Variants in CBY1 observed in about 807,000 individuals in gnomAD.
The protein encoded by CBY1 is protein chibby homolog 1.
Under a neutral mutation model 15.6 loss-of-function variants are expected in CBY1, and 10 were observed. The observed-to-expected ratio is 0.64, with a 90% confidence interval of 0.40 to 1.09. The LOEUF is 1.09. Among genes scored for constraint, CBY1 ranks in the 50% least tolerant of loss-of-function variants. The probability of loss-of-function intolerance (pLI) is 0.01; values close to 1 mark genes in which losing one functional copy is unlikely to be tolerated. For missense variants in CBY1, 150 were observed against 160.5 expected (o/e 0.93, Z 0.35); for synonymous variants, 61 against 63.5 (o/e 0.96, Z 0.19).
At chr22:38,657,042 C>A in intron 1 of CBY1, 1 of 631,700 alleles carries the variant, frequency 1.6e-6, no homozygotes, top group Non-Finnish European at 2.0e-6. Context: ...GGGGGCCGTG[C>A]ATCTGCGTAA....
chr22:38,665,837 C>T (rs1462937957), intron 1 of CBY1, among the ~76,000 whole-genome samples: 3 of 151,918 alleles, frequency 2.0e-5, no homozygotes, highest in African/African-American at 7.3e-5. Flanking sequence ...GAGTTCGAGA[C>T]CAGCCTGGCC....
At chr22:38,671,519 A>G (rs3747172) in intron 4 of CBY1, 93,140 of 324,252 alleles carry the variant, frequency 0.29, 13,843 homozygotes, top group East Asian at 0.36. Context: ...TGGCAGGAAT[A>G]GAGGTTAGAT....
At chr22:38,662,083 C>CTTGA (rs1322448663) in intron 1 of CBY1, among the ~76,000 whole-genome samples, 1 of 152,104 alleles carries the variant, frequency 6.6e-6, no homozygotes, top group African/African-American at 2.4e-5. Context: ...GGGCCAGTCG[C>CTTGA]TTGAGCTCAG....
chr22:38,663,326 G>A (rs959069133), intron 1 of CBY1, among the ~76,000 whole-genome samples: 4 of 151,770 alleles, frequency 2.6e-5, no homozygotes, highest in African/African-American at 7.3e-5. Context: ...GTGGTGGTGC[G>A]TGCCTATAGT....
At chr22:38,665,762 C>T (rs1354114207) in intron 1 of CBY1, 2 of 1,198,948 alleles carry the variant, frequency 1.7e-6, no homozygotes, top group Non-Finnish European at 2.1e-6. Context: ...TGAGCCAGTG[C>T]GTTGGTTCAC....
intron 1 of CBY1, among the ~76,000 whole-genome samples, chr22:38,664,395 C>G (rs879167979): frequency 6.7e-6 from 1 of 148,942 alleles, no homozygotes; most frequent in Admixed American, 6.8e-5. Context: ...TCACTTGAAC[C>G]TGGGAGGCAG....
intron 2 of CBY1, chr22:38,670,679 T>A: frequency 1.9e-6 from 1 of 530,036 alleles, no homozygotes; most frequent in East Asian, 3.2e-5. Context: ...GGAAAACATC[T>A]AATGTATAAA....
At chr22:38,662,560 A>C (rs557473952) in intron 1 of CBY1, among the ~76,000 whole-genome samples, 2 of 152,068 alleles carry the variant, frequency 1.3e-5, no homozygotes, top group East Asian at 3.9e-4. Flanking sequence ...TCATAATCTC[A>C]GCTCACTGCA....
intron 2 of CBY1, chr22:38,670,232 A>G (rs889770251): frequency 4.6e-5 from 7 of 152,144 alleles, no homozygotes; most frequent in Admixed American, 1.3e-4. Context: ...TCCGTCTCAA[A>G]AAAAACCCCA....
intron 1 of CBY1, among the ~76,000 whole-genome samples, chr22:38,657,759 A>C (rs1272614048): frequency 6.6e-6 from 1 of 152,196 alleles, no homozygotes; most frequent in Non-Finnish European, 1.5e-5. Flanking sequence ...GGGGAGAGCC[A>C]GGCCCCTAAA....
chr22:38,671,473 G>T (rs567898375), intron 4 of CBY1: 12 of 403,404 alleles, frequency 3.0e-5, no homozygotes, highest in African/African-American at 2.2e-4. Flanking sequence ...GAGCTTCCCA[G>T]AGGAAGGGAT....
At chr22:38,669,940 C>G (rs1489934341) in intron 2 of CBY1, 2 of 151,162 alleles carry the variant, frequency 1.3e-5, no homozygotes, top group African/African-American at 2.4e-5. Context: ...TTAAAAAATA[C>G]AAAAATTAGG....
intron 1 of CBY1, among the ~76,000 whole-genome samples, chr22:38,660,924 A>G (rs1201550367): frequency 1.3e-5 from 2 of 152,104 alleles, no homozygotes; most frequent in Admixed American, 1.3e-4. Flanking sequence ...GATTACAGAC[A>G]TAAGATTAAT....
At chr22:38,672,202 C>G (rs1047064207) in intron 4 of CBY1, among the ~76,000 whole-genome samples, 22 of 150,660 alleles carry the variant, frequency 1.5e-4, no homozygotes, top group African/African-American at 5.4e-4. Context: ...GTGGAGGTTG[C>G]AGTGGGCTGA....
intron 2 of CBY1, among the ~76,000 whole-genome samples, chr22:38,669,408 G>A (rs1294805117): frequency 6.6e-6 from 1 of 152,154 alleles, no homozygotes; most frequent in Non-Finnish European, 1.5e-5. Flanking sequence ...GCTATTGATT[G>A]ATACCTTTCT....
chr22:38,668,154 G>A (rs756960262), intron 2 of CBY1, 22 bp downstream of exon 2: 43 of 1,435,724 alleles, frequency 3.0e-5, no homozygotes, highest in South Asian at 2.6e-4. Flanking sequence ...TACTGGGGTC[G>A]GCCGGGTGTG....
rs2092457620 is a variant in CBY1, at chr22:38,673,025, G to T, written c.304-134G>T. The T allele has an allele frequency of 3.4e-5, 21 of 618,786 alleles. 1 individual carries two copies. Among genetic ancestry groups the T allele is most frequent in the Middle Eastern group, 4.4e-4 (1 of 2,254 alleles). The allele number at this position is 618,786 out of a possible 1,614,324, so 38.3% of individuals were successfully genotyped here. A position where few individuals can be genotyped will look rare whatever the true frequency, so the allele number is the denominator to read the frequency against. On this transcript the variant is annotated intron_variant, in intron 4 of 4. Transcript: ENST00000216029. ...GTTGCATTCTACCCAGTTACAGAGG[G>T]TTTCCCATCGAGGAAGCCAGCAGCA...
At chr22:38,663,238 C>T (rs2092426693) in intron 1 of CBY1, among the ~76,000 whole-genome samples, 3 of 152,060 alleles carry the variant, frequency 2.0e-5, no homozygotes, top group African/African-American at 4.8e-5. Flanking sequence ...AGGTGGATCA[C>T]GAGGTCAAGA....
intron 2 of CBY1, among the ~76,000 whole-genome samples, chr22:38,669,528 C>T (rs1005132706): frequency 1.3e-5 from 2 of 152,078 alleles, no homozygotes; most frequent in African/African-American, 4.8e-5. Context: ...CGGAAGGCTA[C>T]AGAAAATAAG....
Sources: allele counts gnomAD v4.1 joint callset (sites outside exome capture counted in the v4.1 genomes callset), GRCh38; gene constraint gnomAD v4.1.1; transcripts MANE v1.5; gene names NCBI Gene and HGNC (gene_info 2026-07-23, HGNC 2026-07-21).